Variants in MACROD2 observed in about 807,000 individuals in gnomAD.
The protein encoded by MACROD2 is ADP-ribose glycohydrolase MACROD2.
A neutral mutation model predicts 70.4 loss-of-function variants in MACROD2; 36 were observed. The observed-to-expected ratio is 0.51, with a 90% confidence interval of 0.39 to 0.68. MACROD2 has a LOEUF of 0.68. Among genes scored for constraint, MACROD2 ranks in the 30% least tolerant of loss-of-function variants. The pLI is 0.00. For synonymous variants in MACROD2, 172 were observed against 178.8 expected (o/e 0.96, Z 0.30); for missense variants, 496 against 538.4 (o/e 0.92, Z 0.78).
At chr20:15,392,282 C>T (rs562878054) in intron 6 of MACROD2, among the ~76,000 whole-genome samples, 135 of 152,188 alleles carry the variant, frequency 8.9e-4, no homozygotes, top group Non-Finnish European at 1.4e-3. Flanking sequence ...ACCTAATTAT[C>T]CACCATCATT....
chr20:15,659,304 C>CTTT (rs11468344), intron 8 of MACROD2, among the ~76,000 whole-genome samples: 5 of 67,264 alleles, frequency 7.4e-5, no homozygotes, highest in African/African-American at 1.8e-4. Flanking sequence ...GATAGCACAG[C>CTTT]TTTTTTTTTT....
chr20:15,649,221 TC>T (rs2049606559), intron 8 of MACROD2, among the ~76,000 whole-genome samples: 8 of 21,328 alleles, frequency 3.8e-4, no homozygotes, highest in South Asian at 4.5e-3. Context: ...TTTCTTTCTT[TC>T]TTTCTTTCTT....
chr20:15,611,117 A>G (rs1432462259), intron 8 of MACROD2, among the ~76,000 whole-genome samples: 1 of 148,896 alleles, frequency 6.7e-6, no homozygotes, highest in African/African-American at 2.5e-5. Flanking sequence ...CAGTCTGTAC[A>G]GCTAAGAGCA....
At chr20:14,861,995 A>ATATATATATATATT (rs1568838593) in intron 5 of MACROD2, among the ~76,000 whole-genome samples, 1 of 28,540 alleles carries the variant, frequency 3.5e-5, no homozygotes, top group Non-Finnish European at 6.7e-5. Flanking sequence ...ATATATATTT[A>ATATATATATATATT]TATATATATT....
At chr20:15,095,733 G>A (rs401518) in intron 5 of MACROD2, among the ~76,000 whole-genome samples, 151,268 of 151,346 alleles carry the variant, frequency 1, 75,595 homozygotes, top group Non-Finnish European at 1. Context: ...TAGCCGGGAT[G>A]GTCTCGATCT....
intron 8 of MACROD2, among the ~76,000 whole-genome samples, chr20:15,778,611 A>G (rs747144066): frequency 4.6e-5 from 7 of 152,112 alleles, no homozygotes; most frequent in Admixed American, 2.0e-4. Context: ...GTGTAGGCAA[A>G]AACTTAGTAA....
chr20:14,191,371 C>T (rs1430901925), intron 3 of MACROD2, among the ~76,000 whole-genome samples: 1 of 152,080 alleles, frequency 6.6e-6, no homozygotes, highest in Admixed American at 6.5e-5. Flanking sequence ...ACAGTCTGAC[C>T]ATCTGCAAAA....
chr20:14,926,805 G>A lies in MACROD2; in HGVS notation c.418+241846G>A, dbSNP rs2074238782. The stretch of plus-strand genomic sequence containing the variant: ...ATATCTTGTGTTTGCCACCTGTATA[G>A]TGGGCTGCAAAAGCAGGGGGTGTGG... On this transcript the variant is annotated intron_variant, in intron 5 of 17. Transcript: ENST00000684519. 2.0e-5 allele frequency among the ~76,000 whole-genome samples: 3 copies of A among 152,130 alleles called. 1 individual carries two copies. Among genetic ancestry groups the A allele is most frequent in the Non-Finnish European group, 4.4e-5 (3 of 68,030 alleles).
chr20:14,785,045 C>T lies in MACROD2; in HGVS notation c.418+100086C>T, dbSNP rs527632354. Among the ~76,000 whole-genome samples the T allele has an allele frequency of 1.4e-4, 21 of 152,138 alleles. No homozygotes were observed. In the East Asian group the frequency reaches 3.7e-3, roughly 27 times the overall value. ...AAAACATTTTCTCCTTAAAAAAAGACAGTGCCCATTTAGTTATCCTTTAAT... is the reference window on the plus strand; with the variant it reads ...AAAACATTTTCTCCTTAAAAAAAGATAGTGCCCATTTAGTTATCCTTTAAT... On this transcript the variant is annotated intron_variant, in intron 5 of 17. Coordinates refer to ENST00000684519, the MANE Select transcript of MACROD2 (RefSeq NM_001351661.2).
intron 8 of MACROD2, among the ~76,000 whole-genome samples, chr20:15,722,859 G>T (rs74179785): frequency 0.1 from 15,624 of 152,012 alleles, 850 homozygotes; most frequent in East Asian, 0.19. Flanking sequence ...TTGCAGTTTT[G>T]CCTTTCACTT....
At chr20:15,326,812 G>A (rs1423000362) in intron 6 of MACROD2, among the ~76,000 whole-genome samples, 2 of 152,150 alleles carry the variant, frequency 1.3e-5, no homozygotes, top group African/African-American at 4.8e-5. Context: ...ACATCCAGGA[G>A]CATATGGCAA....
chr20:15,693,547 G>C (rs1473132369), intron 8 of MACROD2, among the ~76,000 whole-genome samples: 1 of 151,990 alleles, frequency 6.6e-6, no homozygotes, highest in Non-Finnish European at 1.5e-5. Flanking sequence ...CTGTGAAGCC[G>C]AGCAGAATCT....
At chr20:14,972,589 A>T (rs896503994) in intron 5 of MACROD2, among the ~76,000 whole-genome samples, 1 of 152,196 alleles carries the variant, frequency 6.6e-6, no homozygotes, top group Non-Finnish European at 1.5e-5. Context: ...CTTTTGTTTA[A>T]TGGTTTGATA....
At chr20:14,722,910 C>A (rs1351690653) in intron 5 of MACROD2, among the ~76,000 whole-genome samples, 1 of 152,112 alleles carries the variant, frequency 6.6e-6, no homozygotes, top group Non-Finnish European at 1.5e-5. Flanking sequence ...ATTATAATAA[C>A]ATAAGATCGT....
At chr20:14,261,313 G>C (rs2082099241) in intron 3 of MACROD2, among the ~76,000 whole-genome samples, 1 of 151,904 alleles carries the variant, frequency 6.6e-6, no homozygotes, top group Non-Finnish European at 1.5e-5. Context: ...AATTAATTTG[G>C]GTTAGTAACA....
chr20:15,723,044 A>G (rs2050810148), intron 8 of MACROD2, among the ~76,000 whole-genome samples: 1 of 152,140 alleles, frequency 6.6e-6, no homozygotes, highest in Non-Finnish European at 1.5e-5. Flanking sequence ...CCTTACATCA[A>G]CATCTCTTGC....
chr20:15,617,079 TC>T (rs1430454021), intron 8 of MACROD2, among the ~76,000 whole-genome samples: 3 of 152,232 alleles, frequency 2.0e-5, no homozygotes, highest in Admixed American at 6.5e-5. Flanking sequence ...AAGATCCTGT[TC>T]CTGTTTTGCG....
At chr20:14,665,995 G>A (rs2070732761) in intron 4 of MACROD2, among the ~76,000 whole-genome samples, 1 of 152,006 alleles carries the variant, frequency 6.6e-6, no homozygotes, top group Non-Finnish European at 1.5e-5. Flanking sequence ...GCTAATAGGA[G>A]GCCTGCCCTT....
intron 8 of MACROD2, among the ~76,000 whole-genome samples, chr20:15,724,568 C>T (rs2050834414): frequency 6.6e-6 from 1 of 152,060 alleles, no homozygotes; most frequent in Admixed American, 6.6e-5. Flanking sequence ...ATTTCCTTTG[C>T]TCCTTTGTCA....
Sources: allele counts gnomAD v4.1 joint callset (sites outside exome capture counted in the v4.1 genomes callset), GRCh38; gene constraint gnomAD v4.1.1; transcripts MANE v1.5; gene names NCBI Gene and HGNC (gene_info 2026-07-23, HGNC 2026-07-21).